MTUS2: variants seen among roughly 807,000 people sequenced by gnomAD.
The protein encoded by MTUS2 is microtubule-associated tumor suppressor candidate 2.
MTUS2 carries 40 observed loss-of-function variants against 114.1 expected under a neutral mutation model. The observed-to-expected ratio is 0.35, with a 90% CI of 0.27 to 0.46. The LOEUF (loss-of-function observed/expected upper bound fraction) is 0.46, where lower values mean the gene tolerates loss of function less well. Ranked by LOEUF, MTUS2 falls within the 20% of genes least tolerant of loss-of-function variation. The pLI, the probability that MTUS2 is intolerant of heterozygous loss-of-function variation, is 1.00. For missense variants in MTUS2, 1,679 were observed against 1,705.4 expected, an observed-to-expected ratio of 0.98 and a Z score of 0.27; for synonymous variants, 688 against 672.0, an observed-to-expected ratio of 1.02 and a Z score of -0.37.
At chr13:29,148,105 G>A (rs1044858147) in intron 5 of MTUS2, among the ~76,000 whole-genome samples, 1 of 151,502 alleles carries the variant, frequency 6.6e-6, no homozygotes, top group African/African-American at 2.4e-5. Context: ...ACCACCATCT[G>A]TTGTTTTGTT....
At chr13:29,392,159 AC>A (rs1203155094) in intron 8 of MTUS2, among the ~76,000 whole-genome samples, 2 of 132,466 alleles carry the variant, frequency 1.5e-5, no homozygotes, top group Non-Finnish European at 3.3e-5. Flanking sequence ...AAAAAAAAAA[AC>A]CAAAAAAACA....
intron 9 of MTUS2, among the ~76,000 whole-genome samples, chr13:29,455,862 TCCCAGCTGCTCA>T (rs1879070693): frequency 6.6e-6 from 1 of 152,022 alleles, no homozygotes; most frequent in Non-Finnish European, 1.5e-5. Context: ...ACACTGGTAG[TCCCAGCTGCTCA>T]GGAGGCTGAG....
intron 5 of MTUS2, among the ~76,000 whole-genome samples, chr13:29,171,129 T>TAA (rs1893539505): frequency 8.3e-6 from 1 of 120,602 alleles, no homozygotes; most frequent in Admixed American, 8.8e-5. Flanking sequence ...GGTGAGTGAG[T>TAA]GAGAGAGAGA....
At chr13:29,289,210 T>A (rs890400823) in intron 6 of MTUS2, among the ~76,000 whole-genome samples, 1 of 152,200 alleles carries the variant, frequency 6.6e-6, no homozygotes. Context: ...CAGCCTTATA[T>A]CTGTAAAAAC....
At chr13:29,122,906 G>T (rs898340953) in intron 5 of MTUS2, among the ~76,000 whole-genome samples, 5 of 152,160 alleles carry the variant, frequency 3.3e-5, no homozygotes, top group Admixed American at 2.0e-4. Flanking sequence ...TTTTTAAAAT[G>T]TAGCTTTTGT....
chr13:28,875,424 G>A (rs1171840501), intron 2 of MTUS2, among the ~76,000 whole-genome samples: 1 of 152,222 alleles, frequency 6.6e-6, no homozygotes, highest in Non-Finnish European at 1.5e-5. Flanking sequence ...AGATAAAGTG[G>A]ATTTGTTTTT....
At chr13:29,168,666 A>T (rs1893419781) in intron 5 of MTUS2, among the ~76,000 whole-genome samples, 1 of 152,212 alleles carries the variant, frequency 6.6e-6, no homozygotes, top group Non-Finnish European at 1.5e-5. Flanking sequence ...AGGCGTTCAA[A>T]TGTGACACTA....
At chr13:28,870,479 G>A (rs1383300133) in intron 2 of MTUS2, among the ~76,000 whole-genome samples, 1 of 152,206 alleles carries the variant, frequency 6.6e-6, no homozygotes, top group Admixed American at 6.5e-5. Flanking sequence ...TTTCAGTGAA[G>A]TTCTCTGGTT....
At chr13:28,842,855 G>A (rs1875605044) in intron 2 of MTUS2, among the ~76,000 whole-genome samples, 1 of 152,138 alleles carries the variant, frequency 6.6e-6, no homozygotes. Context: ...CATACAGTGG[G>A]TGCTCCTAGT....
At chr13:28,857,465 G>A (rs1158066401) in intron 2 of MTUS2, among the ~76,000 whole-genome samples, 2 of 152,194 alleles carry the variant, frequency 1.3e-5, no homozygotes, top group East Asian at 1.9e-4. Context: ...TACTGCACAC[G>A]TGGAGTGGGG....
intron 2 of MTUS2, among the ~76,000 whole-genome samples, chr13:28,855,887 C>A (rs1462527805): frequency 6.6e-6 from 1 of 152,180 alleles, no homozygotes; most frequent in Non-Finnish European, 1.5e-5. Context: ...TGCATTCCCA[C>A]CAACAGTGTA....
chr13:29,378,872 GAATTGT>G (rs1022187270), intron 8 of MTUS2, among the ~76,000 whole-genome samples: 6 of 152,238 alleles, frequency 3.9e-5, no homozygotes, highest in African/African-American at 1.4e-4. Flanking sequence ...ATCTCATCTT[GAATTGT>G]AATTGGAATT....
At chr13:29,176,666 A>T (rs180803894) in intron 5 of MTUS2, among the ~76,000 whole-genome samples, 70 of 152,270 alleles carry the variant, frequency 4.6e-4, no homozygotes, top group Non-Finnish European at 8.7e-4. Flanking sequence ...AAGTTCACTA[A>T]TCCCTTTCAC....
At chr13:29,180,313 G>T (rs1198763995) in intron 5 of MTUS2, among the ~76,000 whole-genome samples, 1 of 152,130 alleles carries the variant, frequency 6.6e-6, no homozygotes. Flanking sequence ...GCATAAATGG[G>T]TTATGAACAC....
At chr13:29,400,916 A>G (rs1204463662) in intron 8 of MTUS2, among the ~76,000 whole-genome samples, 1 of 152,154 alleles carries the variant, frequency 6.6e-6, no homozygotes, top group Non-Finnish European at 1.5e-5. Context: ...CATCTTTTGC[A>G]TATTGATTTG....
chr13:29,009,243 C>A (rs1478786357), intron 2 of MTUS2, among the ~76,000 whole-genome samples: 1 of 151,972 alleles, frequency 6.6e-6, no homozygotes, highest in Non-Finnish European at 1.5e-5. Flanking sequence ...GTGGGGAATA[C>A]ACAATCTATG....
chr13:29,486,948 C>T (rs1437612298), intron 10 of MTUS2, among the ~76,000 whole-genome samples: 1 of 152,068 alleles, frequency 6.6e-6, no homozygotes, highest in African/African-American at 2.4e-5. Flanking sequence ...AAACAACAGC[C>T]ACAATGACAA....
rs1286847353 is a variant in MTUS2, at chr13:29,026,143, A to G, written c.1445A>G (p.Glu482Gly). ...CCTTCTGTTGGAGAGAACAAGACGG[A>G]GGTGCCTGAGCCCCTGGACCCTCAA... ...FNPSVGENKT[E>G]VPEPLDPQSG... Residue 482 changes from glutamate (E) to glycine (G), a missense_variant, in exon 3 of 16, where the codon GAG becomes GGG. Around this residue, in one of 3 missense-constraint regions of MTUS2, gnomAD observed 843 missense variants for 770.8 expected, o/e 1.09. Transcript: ENST00000612955. 6.2e-7 allele frequency: 1 copy of G among 1,614,006 alleles called. No homozygotes were observed.
chr13:29,192,693 T>TA (rs1347960694), intron 5 of MTUS2, among the ~76,000 whole-genome samples: 2 of 152,166 alleles, frequency 1.3e-5, no homozygotes, highest in Non-Finnish European at 2.9e-5. Context: ...TTCTTAAAGT[T>TA]AAAAAAACTT....
Sources: gnomAD v4.1 joint callset for allele counts (sites outside exome capture counted in the v4.1 genomes callset) on GRCh38, gnomAD v4.1.1 for gene constraint, gnomAD v4.1.1 regional missense constraint, MANE v1.5 for transcripts, NCBI Gene and HGNC (gene_info 2026-07-23, HGNC 2026-07-21) for gene names.